GCC1: variants seen among roughly 807,000 people sequenced by gnomAD.
GCC1 encodes the protein GRIP and coiled-coil domain containing 1.
GCC1 carries 36 observed loss-of-function variants against 62.5 expected under a neutral mutation model. The ratio of observed to expected loss-of-function variants is 0.58; its 90% CI spans 0.44 to 0.76. The LOEUF (loss-of-function observed/expected upper bound fraction) is 0.76. Ranked by LOEUF, GCC1 falls within the 30% of genes least tolerant of loss-of-function variation. GCC1 has a pLI of 0.00. For synonymous variants in GCC1, 391 were observed against 386.8 expected, an observed-to-expected ratio of 1.01 and a Z score of -0.13; for missense variants, 885 against 948.3, an observed-to-expected ratio of 0.93 and a Z score of 0.88.
In GCC1 at chr7:127,583,307, T is replaced by C. The variant is rs1794161768; in HGVS notation, c.1035A>G (p.Thr345=). Residue 345 remains threonine, a splice_region_variant and synonymous_variant, in exon 2 of 2, where the codon ACA becomes ACG. Transcript: ENST00000321407. ...GACGGAGTTGATCCTCTGCAAGAGC[T>C]GTCTGCAAAACAAGGGAACAGACAA... ...QAQLQQEMRK[T]ALAEDQLRQQ... 2 of 1,588,982 alleles carry C rather than the reference T, an allele frequency of 1.3e-6. No homozygotes were observed. Among genetic ancestry groups the C allele is most frequent in the Non-Finnish European group, 1.7e-6 (2 of 1,166,112 alleles).
Position 127,582,125 on chromosome 7 carries a change from G to A in GCC1, c.2217C>T (p.Arg739=), listed in dbSNP as rs1794141618. The A allele has an allele frequency of 1.2e-6, 2 of 1,614,066 alleles. No individual in the cohort carries two copies. The highest frequency in any genetic ancestry group is 1.3e-5 in the African/African-American group (1 of 74,924). Residue 739 remains arginine, a synonymous_variant, in exon 2 of 2, where the codon CGC becomes CGT. Transcript: ENST00000321407. This position sits in a 1 kb window ranked among gnomAD's most constrained non-coding sequence, Gnocchi z 4.8. The part of the protein sequence containing the change: ...RFLTLPDSLG[R]QQTLTAILTI... ...TCAGTATGGCTGTGAGAGTCTGCTG[G>A]CGGCCCAGGGAGTCAGGTAAGGTCA...
intron 1 of GCC1, 73 bp from the exon 2 acceptor site, chr7:127,583,382 G>A: frequency 3.4e-6 from 4 of 1,180,934 alleles, no homozygotes; most frequent in Non-Finnish European, 4.8e-6. Context: ...GCAGGAGAGG[G>A]GAGCAAAAGG....
intron 1 of GCC1, among the ~76,000 whole-genome samples, chr7:127,583,667 C>T (rs1465043718): frequency 1.3e-5 from 2 of 152,148 alleles, no homozygotes; most frequent in African/African-American, 2.4e-5. Flanking sequence ...TTCAAAACTG[C>T]GCTGGATCTC....
In GCC1 at chr7:127,582,815, T is replaced by C. The variant is rs1794154518; in HGVS notation, c.1527A>G (p.Lys509=). 6.2e-7 allele frequency: 1 copy of C among 1,614,192 alleles called. No individual in the cohort carries two copies. The highest frequency in any genetic ancestry group is 8.5e-7 in the Non-Finnish European group (1 of 1,180,036). Residue 509 remains lysine (K), a synonymous_variant, in exon 2 of 2, where the codon AAA becomes AAG. Transcript: ENST00000321407. The surrounding 1 kb of genome is among the most constrained non-coding windows in gnomAD (Gnocchi z 4.8). ...AQVVLKSKNT[K]DGNLGKELEA... ...CCAGCTCCTTTCCCAGGTTACCATCTTTGGTATTCTTGCTTTTGAGGACAA... is the reference window on the plus strand; with the variant it reads ...CCAGCTCCTTTCCCAGGTTACCATCCTTGGTATTCTTGCTTTTGAGGACAA...
In GCC1 at chr7:127,584,136, G is replaced by A. The variant is rs1181136953; in HGVS notation, c.1032+15C>T. 2 of 1,606,548 alleles carry A rather than the reference G, an allele frequency of 1.2e-6. No homozygotes were observed. The highest frequency in any genetic ancestry group is 1.7e-6 in the Non-Finnish European group (2 of 1,174,354). ...AGGTCAATGGCTGATGTTTGAAAGAGATATGGATAATTACCTTTCTCATTT... is the reference window on the plus strand; with the variant it reads ...AGGTCAATGGCTGATGTTTGAAAGAAATATGGATAATTACCTTTCTCATTT... On this transcript the variant is annotated intron_variant, in intron 1 of 1. Coordinates refer to ENST00000321407, the MANE Select transcript of GCC1 (RefSeq NM_024523.6).
In GCC1 at chr7:127,582,191, T is replaced by G. The variant is rs374924542; in HGVS notation, c.2151A>C (p.Gly717=). 4.8e-4 allele frequency: 775 copies of G among 1,614,124 alleles called. 7 individuals carry two copies. In the South Asian group the frequency reaches 8.0e-3, roughly 17 times the overall value. Residue 717 remains glycine, a synonymous_variant, in exon 2 of 2, where the codon GGA becomes GGC. Coordinates refer to ENST00000321407, the MANE Select transcript of GCC1 (RefSeq NM_024523.6). The surrounding 1 kb of genome is among the most constrained non-coding windows in gnomAD (Gnocchi z 4.8). ...EKNIRDQSRE[G]ANLEYLKNII... is the part of the protein sequence containing the mutation. The stretch of plus-strand genomic sequence containing the variant: ...TGTTTTTGAGGTACTCCAGATTGGC[T>G]CCCTCCCTGCTCTGGTCCCTGATGT...
Position 127,584,960 on chromosome 7 carries a change from G to A in GCC1, c.223C>T (p.Pro75Ser), listed in dbSNP as rs1321002735. 6.2e-7 allele frequency: 1 copy of A among 1,614,180 alleles called. No homozygotes were observed. Among genetic ancestry groups the A allele is most frequent in the Admixed American group, 1.7e-5 (1 of 60,032 alleles). ...ACAGAGTCAGGAAAGGTGAGGCCTG[G>A]AAGCTGGACACCTGCGAGGCCCACA... ...ADVGLAGVQL[P>S]GLTFPDSVDD... Residue 75 changes from proline (P) to serine (S), a missense_variant, in exon 1 of 2, where the codon CCA (proline) becomes TCA (serine). Transcript: ENST00000321407.
rs750497246 is a variant in GCC1, at chr7:127,584,871, C to G, written c.312G>C (p.Ala104=). 6.2e-7 allele frequency: 1 copy of G among 1,614,120 alleles called. No individual in the cohort carries two copies. Among genetic ancestry groups the G allele is most frequent in the East Asian group, 2.2e-5 (1 of 44,878 alleles). ...CACCCTTGGTGCTGGTGAGACTGGC[C>G]GCAGTATCCAAGCTAGTGGCGGTCC... ...STGTATSLDT[A]ASLTSTKGEF... Residue 104 remains alanine, a synonymous_variant, in exon 1 of 2, where the codon GCG becomes GCC. Transcript: ENST00000321407.
At position 127,585,555 on chromosome 7, in the gene GCC1, G is replaced by T. The variant is rs577342719; in HGVS notation, c.-373C>A. 3 of 209,854 alleles carry T rather than the reference G, an allele frequency of 1.4e-5. No individual in the cohort carries two copies. Among genetic ancestry groups the T allele is most frequent in the African/African-American group, 6.9e-5 (3 of 43,188 alleles). 13.0% of individuals were successfully genotyped at this position (209,854 alleles called of 1,614,324 possible). A position where few individuals can be genotyped will look rare whatever the true frequency, so the allele number is the denominator to read the frequency against. ...TCGGCCAGAGGGTTACGCTGAGCTC[G>T]GTCCCATCACGACATCCTAACTAAA... On this transcript the variant is annotated 5_prime_UTR_variant, in exon 1 of 2. Coordinates refer to ENST00000321407, the MANE Select transcript of GCC1 (RefSeq NM_024523.6).
Position 127,583,276 on chromosome 7 carries a change from A to G in GCC1, c.1066T>C (p.Ser356Pro). ...GCCACCCTCTGTTCTTCTACCTGAG[A>G]TTGCTGACGGAGTTGATCCTCTGCA... ...ALAEDQLRQQ[S>P]QVEEQRVAAL... Residue 356 changes from serine (S) to proline (P), a missense_variant, in exon 2 of 2, where the codon TCT becomes CCT. Physicochemically the swap from Ser to Pro is moderately conservative, Grantham distance 74 (BLOSUM62 -1). Coordinates refer to ENST00000321407, the MANE Select transcript of GCC1 (RefSeq NM_024523.6). The G allele has an allele frequency of 6.2e-7, 1 of 1,607,630 alleles. No homozygotes were observed.
intron 1 of GCC1, among the ~76,000 whole-genome samples, chr7:127,583,619 C>A (rs991402630): frequency 6.6e-6 from 1 of 152,166 alleles, no homozygotes; most frequent in African/African-American, 2.4e-5. Flanking sequence ...ATTAAGAAAT[C>A]ATACAGCATT....
In GCC1 at chr7:127,584,933, C is replaced by T; in HGVS notation, c.250G>A (p.Asp84Asn). The part of the protein sequence containing the change: ...LPGLTFPDSV[D>N]DRCSTHSEDS... ...TCGCTGTGAGTGGAGCACCGGTCAT[C>T]CACAGAGTCAGGAAAGGTGAGGCCT... The change falls in exon 1 of 2, where the codon GAT becomes AAT. Residue 84 changes from aspartate (D) to asparagine (N), a missense_variant. Coordinates refer to ENST00000321407, the MANE Select transcript of GCC1 (RefSeq NM_024523.6). The T allele has an allele frequency of 6.2e-7, 1 of 1,614,182 alleles. No homozygotes were observed. The highest frequency in any genetic ancestry group is 8.5e-7 in the Non-Finnish European group (1 of 1,180,034).
chr7:127,584,519 T>A lies in GCC1; in HGVS notation c.664A>T (p.Ile222Leu). 1.2e-6 allele frequency: 2 copies of A among 1,614,016 alleles called. No individual in the cohort carries two copies. Residue 222 changes from isoleucine to leucine, a missense_variant, in exon 1 of 2, where the codon ATA becomes TTA. Physicochemically the swap from Ile to Leu is conservative, Grantham distance 5 (BLOSUM62 2). Coordinates refer to ENST00000321407, the MANE Select transcript of GCC1 (RefSeq NM_024523.6). ...EGELKGLQEQ[I>L]AETKARLITQ... ...ATAAGCCGGGCTTTGGTTTCTGCTA[T>A]TTGCTCCTGCAGCCCCTTCAATTCT...
chr7:127,585,028 A>G lies in GCC1; in HGVS notation c.155T>C (p.Leu52Ser). 6.2e-7 allele frequency: 1 copy of G among 1,614,200 alleles called. No individual in the cohort carries two copies. The highest frequency in any genetic ancestry group is 8.5e-7 in the Non-Finnish European group (1 of 1,180,030). The change falls in exon 1 of 2, where the codon TTA becomes TCA. Residue 52 changes from leucine to serine, a missense_variant. Leu to Ser is a moderately radical substitution (Grantham distance 145, BLOSUM62 -2). Transcript: ENST00000321407. ...YKSLLKEKEA[L>S]EASIKVLSVS... is the part of the protein sequence containing the mutation. ...CGACAGCACCTTGATGCTGGCCTCT[A>G]ATGCCTCTTTCTCCTTCAGCAGGCT...
At position 127,584,292 on chromosome 7, in the gene GCC1, A is replaced by G. The variant is rs1445383873; in HGVS notation, c.891T>C (p.Arg297=). ...GTTCACTTTTCAGCTCCTCCACCTC[A>G]CGGGTCAGCTGCTTGGTCTGCAGTT... ...GFELQTKQLT[R]EVEELKSELQ... The change falls in exon 1 of 2, where the codon CGT becomes CGC. Residue 297 remains arginine (R), a synonymous_variant. Coordinates refer to ENST00000321407, the MANE Select transcript of GCC1 (RefSeq NM_024523.6). The G allele has an allele frequency of 3.1e-6, 5 of 1,612,818 alleles. No homozygotes were observed. The highest frequency in any genetic ancestry group is 3.3e-5 in the Admixed American group (2 of 59,822).
Position 127,585,367 on chromosome 7 carries a change from G to A in GCC1, c.-185C>T, listed in dbSNP as rs1385924485. The A allele has an allele frequency of 1.6e-6, 1 of 618,536 alleles. No individual in the cohort carries two copies. The highest frequency in any genetic ancestry group is 2.1e-5 in the South Asian group (1 of 47,620). 38.3% of individuals were successfully genotyped at this position (618,536 alleles called of 1,614,324 possible). A position where few individuals can be genotyped will look rare whatever the true frequency, so the allele number is the denominator to read the frequency against. ...GACGGACTGGCGAAAGCGGCCGCCC[G>A]GTCCCAGGCCCGGAGGGCTGGGGCG... On this transcript the variant is annotated 5_prime_UTR_variant, in exon 1 of 2. Coordinates refer to ENST00000321407, the MANE Select transcript of GCC1 (RefSeq NM_024523.6).
Position 127,583,260 on chromosome 7 carries a change from T to C in GCC1, c.1082A>G (p.Gln361Arg), listed in dbSNP as rs772015214. 126 of 1,611,452 alleles carry C rather than the reference T, an allele frequency of 7.8e-5. 1 individual carries two copies. In the South Asian group the frequency reaches 1.4e-3, roughly 18 times the overall value. ...TTGATTCTCCAGGGCTGCCACCCTC[T>C]GTTCTTCTACCTGAGATTGCTGACG... is the stretch of plus-strand genomic sequence containing the variant. ...QLRQQSQVEE[Q>R]RVAALENQIS... The change falls in exon 2 of 2, where the codon CAG (glutamine) becomes CGG (arginine). Residue 361 changes from glutamine (Q) to arginine (R), a missense_variant. Coordinates refer to ENST00000321407, the MANE Select transcript of GCC1 (RefSeq NM_024523.6).
Position 127,584,416 on chromosome 7 carries a change from T to C in GCC1, c.767A>G (p.Glu256Gly). ...CAAGTCCTGGCGCTGGGTCCTCTCC[T>C]CCTGCAGCAGCTTCTGGAGCTCACG... ...MLRELQKLLQ[E>G]ERTQRQDLEL... is the part of the protein sequence containing the mutation. Residue 256 changes from glutamate (E) to glycine (G), a missense_variant, in exon 1 of 2, where the codon GAG becomes GGG. Physicochemically the swap from Glu to Gly is moderately conservative, Grantham distance 98 (BLOSUM62 -2). Coordinates refer to ENST00000321407, the MANE Select transcript of GCC1 (RefSeq NM_024523.6). 6.2e-7 allele frequency: 1 copy of C among 1,613,974 alleles called. No individual in the cohort carries two copies. Among genetic ancestry groups the C allele is most frequent in the Non-Finnish European group, 8.5e-7 (1 of 1,179,994 alleles).
Position 127,582,603 on chromosome 7 carries a change from T to A in GCC1, c.1739A>T (p.Lys580Ile), listed in dbSNP as rs1794150185. Residue 580 changes from lysine to isoleucine, a missense_variant, in exon 2 of 2, where the codon AAA becomes ATA. By Grantham distance (102) the Lys-to-Ile change is moderately radical. Coordinates refer to ENST00000321407, the MANE Select transcript of GCC1 (RefSeq NM_024523.6). The surrounding 1 kb of genome is among the most constrained non-coding windows in gnomAD (Gnocchi z 4.8). ...CQLDFRDRTL[K>I]LEEELHKQRD... ...CTGCTTGTGCAGCTCCTCCTCCAGT[T>A]TCAGTGTGCGGTCCCTGAAGTCCAG... 6.2e-7 allele frequency: 1 copy of A among 1,612,598 alleles called. No homozygotes were observed. Among genetic ancestry groups the A allele is most frequent in the African/African-American group, 1.3e-5 (1 of 75,014 alleles).
Sources: gnomAD v4.1 joint callset for allele counts (sites outside exome capture counted in the v4.1 genomes callset) on GRCh38, gnomAD v4.1.1 for gene constraint, Gnocchi (gnomAD v3.1) non-coding constraint, MANE v1.5 for transcripts, NCBI Gene and HGNC (gene_info 2026-07-23, HGNC 2026-07-21) for gene names.